The following HK2 variants were observed in gnomAD, a reference collection of about 807,000 sequenced individuals.
HK2 encodes hexokinase-2.
A neutral mutation model predicts 92.9 loss-of-function variants in HK2; 42 were observed. That is an observed-to-expected ratio of 0.45 (90% CI 0.35 to 0.58). HK2 has a LOEUF of 0.58. HK2 is among the 20% of genes least tolerant of loss of function. The pLI is 0.00. For synonymous variants in HK2, 422 were observed against 468.0 expected, an observed-to-expected ratio of 0.90 and a Z score of 1.27; for missense variants, 978 against 1,245.1, an observed-to-expected ratio of 0.79 and a Z score of 3.23.
intron 3 of HK2, among the ~76,000 whole-genome samples, chr2:74,870,175 A>G (rs1689062910): frequency 6.6e-6 from 1 of 151,602 alleles, no homozygotes; most frequent in African/African-American, 2.4e-5. Context: ...GGCCCGGCTA[A>G]TTTTTTGAAT....
intron 1 of HK2, among the ~76,000 whole-genome samples, chr2:74,851,011 C>T (rs1052603679): frequency 6.6e-6 from 1 of 152,186 alleles, no homozygotes; most frequent in African/African-American, 2.4e-5. Flanking sequence ...TTCATATCCA[C>T]AGCTGTTTCA....
chr2:74,877,373 G>C, intron 8 of HK2, 52 bp downstream of exon 8: 1 of 1,601,256 alleles, frequency 6.2e-7, no homozygotes, highest in Non-Finnish European at 8.6e-7. Context: ...ACGAGTTGAC[G>C]GGTAGTTGGG....
chr2:74,881,496 A>G (rs1308761456), intron 10 of HK2, among the ~76,000 whole-genome samples: 1 of 152,186 alleles, frequency 6.6e-6, no homozygotes, highest in Non-Finnish European at 1.5e-5. Flanking sequence ...GGCACACTGT[A>G]ATTGTCCAAC....
rs770307123 is a variant in HK2 at position 74,890,916 on chromosome 2, G to A, written c.2729G>A (p.Arg910His). The change falls in exon 18 of 18, where the codon CGC becomes CAC. Residue 910 changes from arginine (R) to histidine (H), a missense_variant. Physicochemically the swap from Arg to His is conservative, Grantham distance 29. Around this residue, in one of 3 missense-constraint regions of HK2, gnomAD observed 742 missense variants for 922.5 expected, o/e 0.80. Transcript: ENST00000290573. The part of the protein sequence containing the change: ...GAALITAVAC[R>H]IREAGQR Reference sequence around the variant, plus strand: ...GCGCTCATCACTGCTGTGGCCTGCCGCATCCGTGAGGCTGGACAGCGATAG... The same window carrying A: ...GCGCTCATCACTGCTGTGGCCTGCCACATCCGTGAGGCTGGACAGCGATAG... 20 of 1,614,058 alleles carry A rather than the reference G, an allele frequency of 1.2e-5. No homozygotes were observed. Among genetic ancestry groups the A allele is most frequent in the East Asian group, 2.2e-5 (1 of 44,888 alleles).
chr2:74,840,824 A>G (rs1688294046), intron 1 of HK2, among the ~76,000 whole-genome samples: 1 of 134,670 alleles, frequency 7.4e-6, no homozygotes, highest in Non-Finnish European at 1.5e-5. Flanking sequence ...GCTTGCAGTG[A>G]GCTGAGATCG....
At chr2:74,840,883 A>C (rs1380531453) in intron 1 of HK2, among the ~76,000 whole-genome samples, 3 of 130,598 alleles carry the variant, frequency 2.3e-5, no homozygotes, top group East Asian at 2.0e-4. Flanking sequence ...TGTCTCAAAA[A>C]AAAAAAAAAA....
At position 74,880,236 on chromosome 2, in the gene HK2, T is replaced by C. The variant is rs372280997; in HGVS notation, c.1266-29T>C. On this transcript the variant is annotated intron_variant, in intron 9 of 17. Coordinates refer to ENST00000290573, the MANE Select transcript of HK2 (RefSeq NM_000189.5). ...ACCATTGACCCTAACCATGGACACC[T>C]GTCTCTTACCCGCCCTGGGGAACTG... 5.6e-6 allele frequency: 9 copies of C among 1,613,274 alleles called. No individual in the cohort carries two copies. In the African/African-American group the frequency reaches 1.2e-4, roughly 22 times the overall value.
chr2:74,854,071 G>A (rs1019569559), intron 1 of HK2, among the ~76,000 whole-genome samples: 2 of 151,686 alleles, frequency 1.3e-5, no homozygotes, highest in African/African-American at 4.8e-5. Flanking sequence ...GTATGCACCA[G>A]TTCTCCAAAA....
At position 74,892,332 on chromosome 2, in the gene HK2, G is replaced by A. The variant is rs1458996700; in HGVS notation, c.*1391G>A. On this transcript the variant is annotated 3_prime_UTR_variant, in exon 18 of 18. Transcript: ENST00000290573. ...AAACCTCAGGGACAACATTTTTGGT[G>A]TATTTGAGCCCTCCCAGCAAGTTTC... 6.6e-6 allele frequency: 1 copy of A among 152,130 alleles called. No homozygotes were observed. The highest frequency in any genetic ancestry group is 1.5e-5 in the Non-Finnish European group (1 of 68,012). 9.4% of individuals were successfully genotyped at this position (152,130 alleles called of 1,614,324 possible).
intron 1 of HK2, among the ~76,000 whole-genome samples, chr2:74,846,282 T>G (rs972457352): frequency 5.3e-5 from 8 of 151,614 alleles, no homozygotes; most frequent in African/African-American, 1.5e-4. Flanking sequence ...TGACTGTGTA[T>G]AGTGGGTAAA....
chr2:74,867,870 G>T, intron 3 of HK2, 86 bp downstream of exon 3: 1 of 1,486,646 alleles, frequency 6.7e-7, no homozygotes, highest in Non-Finnish European at 9.4e-7. Context: ...CGCTCCCAGC[G>T]TGTGGATAGG....
intron 1 of HK2, among the ~76,000 whole-genome samples, chr2:74,853,404 C>T (rs1688616272): frequency 6.6e-6 from 1 of 151,994 alleles, no homozygotes; most frequent in Non-Finnish European, 1.5e-5. Context: ...GTAATCCCAG[C>T]TACTCGGGAG....
intron 12 of HK2, 81 bp from the exon 13 acceptor site, chr2:74,885,413 G>A: frequency 3.2e-6 from 3 of 934,038 alleles, no homozygotes; most frequent in Non-Finnish European, 5.3e-6. Context: ...GAGGTTGAGA[G>A]CTAGAAGCAC....
At chr2:74,879,015 T>A in intron 9 of HK2, 94 bp downstream of exon 9, 1 of 1,076,670 alleles carries the variant, frequency 9.3e-7, no homozygotes, top group Non-Finnish European at 1.4e-6. Flanking sequence ...ATTTCAGGGG[T>A]GGTGTGGAGG....
In HK2 at chr2:74,834,911, C is replaced by A. The variant is rs935606968; in HGVS notation, c.63+268C>A. ...CGGCACGCGCTCACGCTCTCTCCCC[C>A]AGTCCCTTTTTCCCTGTTACTGGAG... On this transcript the variant is annotated intron_variant, in intron 1 of 17. Transcript: ENST00000290573. This position sits in a 1 kb window ranked among gnomAD's most constrained non-coding sequence, Gnocchi z 4.2. Among the ~76,000 whole-genome samples, 1 of 152,202 alleles carries A rather than the reference C, an allele frequency of 6.6e-6. No homozygotes were observed. The highest frequency in any genetic ancestry group is 1.5e-5 in the Non-Finnish European group (1 of 68,030).
intron 12 of HK2, among the ~76,000 whole-genome samples, chr2:74,883,833 G>A (rs1367338648): frequency 6.6e-6 from 1 of 152,176 alleles, no homozygotes; most frequent in African/African-American, 2.4e-5. Context: ...TTGCTGAATA[G>A]TGAGATAGTA....
chr2:74,876,350 C>A (rs562715427), intron 7 of HK2, among the ~76,000 whole-genome samples: 1 of 152,312 alleles, frequency 6.6e-6, no homozygotes, highest in South Asian at 2.1e-4. Context: ...CTCTAAGACA[C>A]AGGTTCTTTC....
chr2:74,855,164 T>G (rs1256263596), intron 2 of HK2, among the ~76,000 whole-genome samples: 1 of 152,048 alleles, frequency 6.6e-6, no homozygotes, highest in Non-Finnish European at 1.5e-5. Flanking sequence ...GCCCGGCTAA[T>G]TTTGTATTTT....
chr2:74,867,491 C>T (rs1244484625), intron 2 of HK2, 145 bp from the exon 3 acceptor site: 1 of 771,554 alleles, frequency 1.3e-6, no homozygotes, highest in Non-Finnish European at 2.3e-6. Flanking sequence ...TGAAATTAGA[C>T]TATATGTAAT....
Sources: allele counts gnomAD v4.1 joint callset (sites outside exome capture counted in the v4.1 genomes callset), GRCh38; gene constraint gnomAD v4.1.1; regional missense constraint gnomAD v4.1.1; non-coding constraint Gnocchi (gnomAD v3.1); transcripts MANE v1.5; gene names NCBI Gene and HGNC (gene_info 2026-07-23, HGNC 2026-07-21).